Variants in SHOC1 observed in about 807,000 individuals in gnomAD.
SHOC1 encodes shortage in chiasmata 1.
In SHOC1, 136 loss-of-function variants were observed where a neutral mutation model predicts 179.2. That is an observed-to-expected ratio of 0.76 (90% CI 0.66 to 0.87). The LOEUF is 0.87. SHOC1 is among the 40% of genes least tolerant of loss of function. The pLI is 0.00. For missense variants in SHOC1, 1,538 were observed against 1,700.8 expected, an observed-to-expected ratio of 0.90 and a Z score of 1.68; for synonymous variants, 489 against 586.6, an observed-to-expected ratio of 0.83 and a Z score of 2.41.
chr9:111,749,028 T>G (rs1277255998), intron 8 of SHOC1, among the ~76,000 whole-genome samples: 1 of 140,998 alleles, frequency 7.1e-6, no homozygotes, highest in Non-Finnish European at 1.5e-5. Context: ...CTTCCTGCCT[T>G]CCTTCCCCAG....
At chr9:111,728,109 G>T in intron 12 of SHOC1, 60 bp from the exon 13 acceptor site, 3 of 1,182,738 alleles carry the variant, frequency 2.5e-6, no homozygotes, top group Non-Finnish European at 2.3e-6. Flanking sequence ...TGTTCTATTA[G>T]GTATTTGAAT....
At chr9:111,728,446 C>T (rs1833410327) in intron 12 of SHOC1, among the ~76,000 whole-genome samples, 1 of 152,156 alleles carries the variant, frequency 6.6e-6, no homozygotes, top group Non-Finnish European at 1.5e-5. Flanking sequence ...ATATAAAGAA[C>T]TCCTTATAAC....
At position 111,781,085 on chromosome 9, in the gene SHOC1, C is replaced by T. The variant is rs554307289; in HGVS notation, c.170-68G>A. ...TTACACTTAATTCAAGGAAGCCAAA[C>T]ATTCACCTTTTACATTATGATTTTA... is the stretch of plus-strand genomic sequence containing the variant. On this transcript the variant is annotated intron_variant, in intron 3 of 27. Transcript: ENST00000682961. 3.0e-5 allele frequency: 30 copies of T among 1,011,942 alleles called. No individual in the cohort carries two copies. In the South Asian group the frequency reaches 4.1e-4, roughly 14 times the overall value. The allele number at this position is 1,011,942 out of a possible 1,614,324, so 62.7% of individuals were successfully genotyped here. A position where few individuals can be genotyped will look rare whatever the true frequency, so the allele number is the denominator to read the frequency against.
intron 18 of SHOC1, among the ~76,000 whole-genome samples, chr9:111,712,378 C>A (rs1448265839): frequency 2.6e-5 from 4 of 152,054 alleles, no homozygotes; most frequent in Non-Finnish European, 4.4e-5. Flanking sequence ...TATGGCACAG[C>A]CTCAAAGGAG....
chr9:111,741,013 C>T (rs1834013292), intron 11 of SHOC1, among the ~76,000 whole-genome samples: 1 of 152,204 alleles, frequency 6.6e-6, no homozygotes, highest in Non-Finnish European at 1.5e-5. Flanking sequence ...CCTCAGCCTA[C>T]CGACTAGCTG....
rs373812024 is a variant in SHOC1, at chr9:111,718,441, TAAC to T, written c.2132-156_2132-154del. ...TAAGCTGGCTATTTCATTGAATCTA[TAAC>T]AACAATCCCATCAGACAAGTTTATT... On this transcript the variant is annotated intron_variant, in intron 15 of 27. Coordinates refer to ENST00000682961, the MANE Select transcript of SHOC1 (RefSeq NM_001378211.1). Among the ~76,000 whole-genome samples the T allele has an allele frequency of 2.2e-4, 34 of 152,332 alleles. No homozygotes were observed. The East Asian group carries it at 4.4e-3, about 20-fold the overall frequency.
At chr9:111,739,710 C>T (rs1833952289) in intron 11 of SHOC1, among the ~76,000 whole-genome samples, 1 of 152,116 alleles carries the variant, frequency 6.6e-6, no homozygotes, top group East Asian at 1.9e-4. Context: ...CTTGTTCCCC[C>T]CTTTTTTTGC....
At chr9:111,732,145 C>T (rs1238806768) in intron 12 of SHOC1, among the ~76,000 whole-genome samples, 1 of 152,108 alleles carries the variant, frequency 6.6e-6, no homozygotes, top group Non-Finnish European at 1.5e-5. Flanking sequence ...CTGCCAATAC[C>T]AAGTGTTAGC....
intron 5 of SHOC1, among the ~76,000 whole-genome samples, chr9:111,766,600 T>C (rs1398453040): frequency 2.6e-5 from 4 of 151,928 alleles, no homozygotes; most frequent in African/African-American, 9.7e-5. Flanking sequence ...TTCATTGTGT[T>C]TTTTTTTGTT....
rs1312595952 is a variant in SHOC1, at chr9:111,727,965, T to C, written c.1502A>G (p.Lys501Arg). The stretch of plus-strand genomic sequence containing the variant: ...TACTTCTTTTGCCAGAGATGGACTC[T>C]TTTGTGGAAGTGATAAATGAGCATT... Reference protein sequence around the residue: ...STNAHLSLPQKSPSLAKEVPD... With the variant: ...STNAHLSLPQRSPSLAKEVPD... The change falls in exon 13 of 28, where the codon AAG becomes AGG. Residue 501 changes from lysine (K) to arginine (R), a missense_variant. Physicochemically the swap from Lys to Arg is conservative, Grantham distance 26. Coordinates refer to ENST00000682961, the MANE Select transcript of SHOC1 (RefSeq NM_001378211.1). 1.2e-6 allele frequency: 2 copies of C among 1,612,306 alleles called. No homozygotes were observed. The highest frequency in any genetic ancestry group is 2.7e-5 in the African/African-American group (2 of 74,856).
intron 13 of SHOC1, among the ~76,000 whole-genome samples, chr9:111,724,182 T>C (rs549980683): frequency 6.6e-6 from 1 of 152,264 alleles, no homozygotes; most frequent in Admixed American, 6.5e-5. Context: ...TGGATAAATA[T>C]ATCTGCTTTA....
intron 5 of SHOC1, 178 bp from the exon 6 acceptor site, chr9:111,759,026 G>A: frequency 9.3e-7 from 1 of 1,080,602 alleles, no homozygotes; most frequent in South Asian, 1.6e-5. Flanking sequence ...CTGGAACAAA[G>A]GCAAAAGTAC....
intron 16 of SHOC1, among the ~76,000 whole-genome samples, chr9:111,715,963 G>T (rs1171207603): frequency 6.6e-6 from 1 of 151,578 alleles, no homozygotes; most frequent in African/African-American, 2.4e-5. Flanking sequence ...GAAGCTAGGA[G>T]AAAACACAGA....
intron 22 of SHOC1, among the ~76,000 whole-genome samples, chr9:111,703,421 A>T (rs1404955612): frequency 6.6e-6 from 1 of 152,210 alleles, no homozygotes; most frequent in Admixed American, 6.5e-5. Context: ...AGAAAATTCC[A>T]AACTATATGA....
At chr9:111,763,900 A>G (rs951800608) in intron 5 of SHOC1, among the ~76,000 whole-genome samples, 2 of 152,200 alleles carry the variant, frequency 1.3e-5, no homozygotes, top group African/African-American at 4.8e-5. Context: ...AGTTCTATGT[A>G]CTAAATACAT....
chr9:111,763,517 C>G (rs1380143369), intron 5 of SHOC1, among the ~76,000 whole-genome samples: 1 of 151,892 alleles, frequency 6.6e-6, no homozygotes, highest in South Asian at 2.1e-4. Flanking sequence ...TGGAACAATG[C>G]CTTTGAAATT....
intron 8 of SHOC1, among the ~76,000 whole-genome samples, chr9:111,748,759 TC>T (rs374425390): frequency 0.34 from 25,527 of 74,426 alleles, 2,696 homozygotes; most frequent in Non-Finnish European, 0.36. Context: ...TTTCCTTCCT[TC>T]CTTTCCTTCC....
chr9:111,737,443 G>A (rs1833856531), intron 12 of SHOC1, among the ~76,000 whole-genome samples: 1 of 152,148 alleles, frequency 6.6e-6, no homozygotes, highest in Non-Finnish European at 1.5e-5. Flanking sequence ...GAGGCGGGCA[G>A]ATCACTTGAG....
intron 12 of SHOC1, among the ~76,000 whole-genome samples, chr9:111,728,582 A>G (rs1452155584): frequency 6.6e-6 from 1 of 152,212 alleles, no homozygotes; most frequent in Non-Finnish European, 1.5e-5. Context: ...AAGTGTCACA[A>G]AAGGCCACAT....
Sources: gnomAD v4.1 joint callset for allele counts (sites outside exome capture counted in the v4.1 genomes callset) on GRCh38, gnomAD v4.1.1 for gene constraint, MANE v1.5 for transcripts, NCBI Gene and HGNC (gene_info 2026-07-23, HGNC 2026-07-21) for gene names.